Variants in EGFR observed in about 807,000 individuals in gnomAD.
EGFR encodes avian erythroblastic leukemia viral (v-erb-b) oncogene homolog.
EGFR carries 58 observed loss-of-function variants against 143.0 expected under a neutral mutation model. The ratio of observed to expected loss-of-function variants is 0.41; its 90% confidence interval spans 0.33 to 0.50. EGFR has a LOEUF of 0.50. EGFR is among the 20% of genes least tolerant of loss of function. The pLI is 0.39. For missense variants in EGFR, 1,307 were observed against 1,579.0 expected, an observed-to-expected ratio of 0.83 and a Z score of 2.92; for synonymous variants, 613 against 594.4, an observed-to-expected ratio of 1.03 and a Z score of -0.45.
At position 55,031,875 on chromosome 7, in the gene EGFR, T is replaced by C. The variant is rs17288980; in HGVS notation, c.88+12510T>C. Among the ~76,000 whole-genome samples, 639 of 152,338 alleles carry C rather than the reference T, an allele frequency of 4.2e-3. 9 individuals carry two copies. Among genetic ancestry groups the C allele is most frequent in the African/African-American group, 0.015 (603 of 41,570 alleles). ...ATATTAGCATTCCTCTGACTTAATA[T>C]TGAGAAGACATTGGGCACTCTTTTT... On this transcript the variant is annotated intron_variant, in intron 1 of 27. Transcript: ENST00000275493.
At chr7:55,036,891 G>C (rs548941890) in intron 1 of EGFR, among the ~76,000 whole-genome samples, 23 of 152,256 alleles carry the variant, frequency 1.5e-4, no homozygotes, top group African/African-American at 5.5e-4. Flanking sequence ...GGGCTATTTG[G>C]GAATAACACA....
At chr7:55,045,540 T>C (rs1195211109) in intron 1 of EGFR, among the ~76,000 whole-genome samples, 3 of 152,184 alleles carry the variant, frequency 2.0e-5, no homozygotes, top group Non-Finnish European at 2.9e-5. Context: ...GAGAGGCTTC[T>C]AGACTATACT....
rs2128964615 is a variant in EGFR, at chr7:55,191,820, G to A, written c.2571G>A (p.Gly857=). Residue 857 remains glycine, a synonymous_variant, in exon 21 of 28, where the codon GGG becomes GGA. Coordinates refer to ENST00000275493, the MANE Select transcript of EGFR (RefSeq NM_005228.5). ...AGCATGTCAAGATCACAGATTTTGG[G>A]CTGGCCAAACTGCTGGGTGCGGAAG... The part of the protein sequence containing the change: ...TPQHVKITDF[G]LAKLLGAEEK... 3 of 1,614,100 alleles carry A rather than the reference G, an allele frequency of 1.9e-6. No homozygotes were observed. The highest frequency in any genetic ancestry group is 4.5e-5 in the East Asian group (2 of 44,858).
At chr7:55,175,319 A>C (rs532422374) in intron 19 of EGFR, among the ~76,000 whole-genome samples, 1 of 152,296 alleles carries the variant, frequency 6.6e-6, no homozygotes, top group Admixed American at 6.5e-5. Context: ...GCAGTCTATA[A>C]ACTGTTGCCC....
intron 1 of EGFR, among the ~76,000 whole-genome samples, chr7:55,086,876 G>A (rs941245761): frequency 6.6e-6 from 1 of 152,060 alleles, no homozygotes; most frequent in Non-Finnish European, 1.5e-5. Flanking sequence ...CCACCCCCTC[G>A]TGCCTCTCTC....
chr7:55,169,343 A>T (rs1786232132), intron 15 of EGFR, among the ~76,000 whole-genome samples: 1 of 152,108 alleles, frequency 6.6e-6, no homozygotes, highest in South Asian at 2.1e-4. Context: ...AGTGATCCAC[A>T]CACCTTGGCC....
At position 55,047,076 on chromosome 7, in the gene EGFR, C is replaced by G. The variant is rs552019470; in HGVS notation, c.88+27711C>G. Among the ~76,000 whole-genome samples, 223 of 152,268 alleles carry G rather than the reference C, an allele frequency of 1.5e-3. 4 individuals are homozygous for G. The South Asian group carries it at 0.038, about 26-fold the overall frequency. ...AGACACCTTGTAAAAGTTACCGGTA[C>G]GATAGGGCCATTCCAACAAAGCTGT... On this transcript the variant is annotated intron_variant, in intron 1 of 27. Transcript: ENST00000275493.
chr7:55,084,192 G>A (rs1790628921), intron 1 of EGFR, among the ~76,000 whole-genome samples: 1 of 152,212 alleles, frequency 6.6e-6, no homozygotes, highest in Admixed American at 6.5e-5. Flanking sequence ...GTCAGGGTCT[G>A]GGTTCTCAGG....
At chr7:55,162,391 G>A (rs1158650629) in intron 13 of EGFR, among the ~76,000 whole-genome samples, 1 of 152,222 alleles carries the variant, frequency 6.6e-6, no homozygotes, top group Non-Finnish European at 1.5e-5. Flanking sequence ...ACCACAGCTT[G>A]GATCCAGAAA....
intron 1 of EGFR, among the ~76,000 whole-genome samples, chr7:55,057,175 T>A (rs1451077318): frequency 6.6e-6 from 1 of 152,152 alleles, no homozygotes; most frequent in Non-Finnish European, 1.5e-5. Context: ...GGGAGGCCAA[T>A]TTTGGATCAA....
intron 1 of EGFR, among the ~76,000 whole-genome samples, chr7:55,041,898 A>G (rs1398319491): frequency 6.6e-6 from 1 of 152,214 alleles, no homozygotes; most frequent in African/African-American, 2.4e-5. Context: ...GTTAAGGAAA[A>G]CTATACCTTA....
chr7:55,035,847 C>G (rs551217009), intron 1 of EGFR, among the ~76,000 whole-genome samples: 4 of 152,220 alleles, frequency 2.6e-5, no homozygotes, highest in Non-Finnish European at 5.9e-5. Context: ...AAAAAATCTA[C>G]TGGGAGGTCC....
intron 16 of EGFR, among the ~76,000 whole-genome samples, chr7:55,172,627 T>C (rs1483388406): frequency 6.6e-6 from 1 of 152,186 alleles, no homozygotes; most frequent in Non-Finnish European, 1.5e-5. Flanking sequence ...ACTCTTGGAA[T>C]GAACAAAATA....
At chr7:55,096,305 G>A (rs1468123740) in intron 1 of EGFR, among the ~76,000 whole-genome samples, 1 of 152,174 alleles carries the variant, frequency 6.6e-6, no homozygotes, top group African/African-American at 2.4e-5. Context: ...CTCCGGTTGT[G>A]TTCACCAGGT....
chr7:55,055,079 T>C (rs1788728617), intron 1 of EGFR, among the ~76,000 whole-genome samples: 1 of 152,032 alleles, frequency 6.6e-6, no homozygotes, highest in African/African-American at 2.4e-5. Flanking sequence ...CCTGACTTCA[T>C]CCATCCTGTC....
At chr7:55,194,853 T>C (rs945954435) in intron 22 of EGFR, among the ~76,000 whole-genome samples, 3 of 152,272 alleles carry the variant, frequency 2.0e-5, no homozygotes, top group Non-Finnish European at 4.4e-5. Context: ...GGCAGCCCAC[T>C]GGAACTACCA....
chr7:55,162,093 A>G (rs1467265059), intron 13 of EGFR, among the ~76,000 whole-genome samples: 1 of 152,250 alleles, frequency 6.6e-6, no homozygotes, highest in Non-Finnish European at 1.5e-5. Flanking sequence ...ATCAAACAGT[A>G]CCAGGGACTT....
At chr7:55,103,791 C>G (rs1181423967) in intron 1 of EGFR, among the ~76,000 whole-genome samples, 1 of 152,246 alleles carries the variant, frequency 6.6e-6, no homozygotes. Context: ...CTTATATATA[C>G]TTGAACCTAT....
chr7:55,050,149 C>A (rs1788405605), intron 1 of EGFR, among the ~76,000 whole-genome samples: 1 of 152,182 alleles, frequency 6.6e-6, no homozygotes. Context: ...GCATTAAATA[C>A]ATTCACGTTG....
Sources: gnomAD v4.1 joint callset for allele counts (sites outside exome capture counted in the v4.1 genomes callset) on GRCh38, gnomAD v4.1.1 for gene constraint, MANE v1.5 for transcripts, NCBI Gene and HGNC (gene_info 2026-07-23, HGNC 2026-07-21) for gene names.